LGSN: variants seen among roughly 807,000 people sequenced by gnomAD.
LGSN encodes lengsin.
LGSN carries 21 observed loss-of-function variants against 19.5 expected under a neutral mutation model. That is an observed-to-expected ratio of 1.07 (90% CI 0.76 to 1.55). LGSN has a LOEUF of 1.55. Among genes scored for constraint, LGSN ranks in the 40% most tolerant of loss-of-function variants. The pLI is 0.00. For missense variants in LGSN, 673 were observed against 608.5 expected (o/e 1.11, Z -1.12); for synonymous variants, 257 against 215.6 (o/e 1.19, Z -1.68).
chr6:63,525,437 A>T, the LGSN span, among the ~76,000 whole-genome samples: 1 of 152,162 alleles, frequency 6.6e-6, no homozygotes, highest in African/African-American at 2.4e-5. Flanking sequence ...TGTCAGTATC[A>T]CCTAGCTGTG....
chr6:63,568,352 C>T, the LGSN span, among the ~76,000 whole-genome samples: 2 of 152,202 alleles, frequency 1.3e-5, no homozygotes, highest in East Asian at 3.8e-4. Context: ...GGCCTAATTT[C>T]AGTATTGCTG....
At chr6:63,539,924 G>A in the LGSN span, among the ~76,000 whole-genome samples, 1 of 152,180 alleles carries the variant, frequency 6.6e-6, no homozygotes, top group Non-Finnish European at 1.5e-5. Flanking sequence ...ATCCATTAAT[G>A]GACAAACATT....
chr6:63,308,475 C>G (rs773417737), intron 1 of LGSN, among the ~76,000 whole-genome samples: 4 of 152,064 alleles, frequency 2.6e-5, no homozygotes, highest in Admixed American at 6.5e-5. Flanking sequence ...AGGAATACTG[C>G]CAAGCATTAA....
At chr6:63,484,404 G>A in the LGSN span, among the ~76,000 whole-genome samples, 4 of 151,898 alleles carry the variant, frequency 2.6e-5, no homozygotes, top group Non-Finnish European at 4.4e-5. Flanking sequence ...CACATCTATA[G>A]TCCCAGCTAC....
At chr6:63,499,115 A>G in the LGSN span, among the ~76,000 whole-genome samples, 43 of 152,242 alleles carry the variant, frequency 2.8e-4, no homozygotes, top group African/African-American at 1.0e-3. Flanking sequence ...ACCAATTCCA[A>G]AGTAAATCAG....
the LGSN span, among the ~76,000 whole-genome samples, chr6:63,372,058 G>A: frequency 2.0e-5 from 3 of 152,076 alleles, no homozygotes; most frequent in African/African-American, 4.8e-5. Context: ...TAGAAATTAC[G>A]TGTACTTGTC....
At chr6:63,295,736 G>T (rs990226647) in intron 1 of LGSN, among the ~76,000 whole-genome samples, 2 of 152,184 alleles carry the variant, frequency 1.3e-5, no homozygotes, top group Non-Finnish European at 2.9e-5. Flanking sequence ...CCAGCAGGGA[G>T]CTAGGCAGTG....
At chr6:63,343,158 T>C in the LGSN span, among the ~76,000 whole-genome samples, 3 of 152,356 alleles carry the variant, frequency 2.0e-5, no homozygotes, top group Admixed American at 2.0e-4. Flanking sequence ...ATTATGATTT[T>C]ATACCAATAA....
At chr6:63,351,648 G>A in the LGSN span, among the ~76,000 whole-genome samples, 1 of 152,088 alleles carries the variant, frequency 6.6e-6, no homozygotes, top group African/African-American at 2.4e-5. Flanking sequence ...AGTAGAGACG[G>A]GGTCTTCCTA....
the LGSN span, among the ~76,000 whole-genome samples, chr6:63,563,433 TC>T: frequency 6.6e-6 from 1 of 152,088 alleles, no homozygotes; most frequent in Non-Finnish European, 1.5e-5. Flanking sequence ...TCTCTCTTCC[TC>T]CCCCTCTTTT....
At chr6:63,453,702 G>A in the LGSN span, among the ~76,000 whole-genome samples, 1 of 152,118 alleles carries the variant, frequency 6.6e-6, no homozygotes, top group South Asian at 2.1e-4. Context: ...TGCCCAGGCT[G>A]GAGTGCAGTG....
At chr6:63,401,614 G>A in the LGSN span, among the ~76,000 whole-genome samples, 2 of 152,170 alleles carry the variant, frequency 1.3e-5, no homozygotes, top group Non-Finnish European at 2.9e-5. Context: ...GTATTCATGA[G>A]TTGCCCAGCT....
At chr6:63,369,810 C>T in the LGSN span, among the ~76,000 whole-genome samples, 103 of 152,218 alleles carry the variant, frequency 6.8e-4, no homozygotes, top group Middle Eastern at 3.4e-3. Context: ...TGAGACTAGC[C>T]TGGGCAACTT....
chr6:63,283,034 T>C (rs1767378006), intron 3 of LGSN, among the ~76,000 whole-genome samples: 1 of 152,172 alleles, frequency 6.6e-6, no homozygotes, highest in South Asian at 2.1e-4. Context: ...TGGCTGTGAG[T>C]AGTAGAGAAC....
intron 2 of LGSN, among the ~76,000 whole-genome samples, chr6:63,290,446 C>G (rs1767722146): frequency 6.6e-6 from 1 of 152,190 alleles, no homozygotes; most frequent in African/African-American, 2.4e-5. Context: ...TCAATGTGGC[C>G]AGCAGATGTT....
chr6:63,551,633 C>G, the LGSN span, among the ~76,000 whole-genome samples: 1 of 151,928 alleles, frequency 6.6e-6, no homozygotes, highest in Non-Finnish European at 1.5e-5. Flanking sequence ...GTGTGCTGCA[C>G]CCATTAACTT....
the LGSN span, among the ~76,000 whole-genome samples, chr6:63,497,502 G>A: frequency 0.088 from 13,316 of 152,126 alleles, 663 homozygotes; most frequent in East Asian, 0.16. Context: ...GCAGTGAGCC[G>A]AGATCATGCC....
At chr6:63,336,644 G>A in the LGSN span, among the ~76,000 whole-genome samples, 77 of 140,738 alleles carry the variant, frequency 5.5e-4, no homozygotes, top group Middle Eastern at 3.7e-3. Flanking sequence ...TTTTTTTTTT[G>A]AAATGGACTC....
At chr6:63,423,734 G>C in the LGSN span, among the ~76,000 whole-genome samples, 32 of 151,752 alleles carry the variant, frequency 2.1e-4, no homozygotes, top group African/African-American at 7.8e-4. Context: ...CAAAATACTT[G>C]AAGAAAAAAA....
Sources: gnomAD v4.1 joint callset for allele counts (sites outside exome capture counted in the v4.1 genomes callset) on GRCh38, gnomAD v4.1.1 for gene constraint, MANE v1.5 for transcripts, NCBI Gene and HGNC (gene_info 2026-07-23, HGNC 2026-07-21) for gene names.